Variants in CCDC63 observed in about 807,000 individuals in gnomAD.
The protein encoded by CCDC63 is coiled-coil domain containing 63.
Under a neutral mutation model 63.6 loss-of-function variants are expected in CCDC63, and 54 were observed. That is an observed-to-expected ratio of 0.85 (90% confidence interval 0.68 to 1.07). The LOEUF is 1.07. CCDC63 is among the 50% of genes least tolerant of loss of function. The probability of loss-of-function intolerance (pLI) is 0.00; values close to 1 mark genes in which losing one functional copy is unlikely to be tolerated. For synonymous variants in CCDC63, 253 were observed against 266.1 expected (o/e 0.95, Z 0.48); for missense variants, 637 against 689.6 (o/e 0.92, Z 0.86).
chr12:110,868,460 G>A (rs904399007), intron 4 of CCDC63, among the ~76,000 whole-genome samples: 3 of 150,584 alleles, frequency 2.0e-5, no homozygotes, highest in South Asian at 2.1e-4. Context: ...CTGAGTGAAC[G>A]AGACTCCGTC....
chr12:110,898,857 C>A, intron 9 of CCDC63, 76 bp from the exon 10 acceptor site: 2 of 1,248,802 alleles, frequency 1.6e-6, no homozygotes, highest in Non-Finnish European at 2.2e-6. Context: ...TTTGGAGACC[C>A]TGACCCCAGA....
intron 10 of CCDC63, among the ~76,000 whole-genome samples, chr12:110,902,427 T>C (rs1017424512): frequency 1.3e-5 from 2 of 152,182 alleles, no homozygotes; most frequent in Non-Finnish European, 2.9e-5. Flanking sequence ...CCCCTGCATC[T>C]TGTTCCTACC....
At position 110,881,470 on chromosome 12, in the gene CCDC63, A is replaced by T. The variant is rs1009158481; in HGVS notation, c.853+174A>T. Among the ~76,000 whole-genome samples the T allele has an allele frequency of 2.0e-5, 3 of 152,254 alleles. No individual in the cohort carries two copies. The East Asian group carries it at 5.8e-4, about 29-fold the overall frequency. On this transcript the variant is annotated intron_variant, in intron 7 of 11. Coordinates refer to ENST00000308208, the MANE Select transcript of CCDC63 (RefSeq NM_152591.3). ...CATGGTGGCTCACGCCTGTAATCCC[A>T]GCACTTTGGGAGGCCAAGGCAGGCT... is the stretch of plus-strand genomic sequence containing the variant.
At chr12:110,872,455 G>A (rs1356141374) in intron 4 of CCDC63, among the ~76,000 whole-genome samples, 1 of 152,052 alleles carries the variant, frequency 6.6e-6, no homozygotes, top group Non-Finnish European at 1.5e-5. Flanking sequence ...ACATGATTCA[G>A]GCTGTGCTGG....
chr12:110,853,596 G>C, intron 3 of CCDC63, 22 bp downstream of exon 3: 2 of 1,613,806 alleles, frequency 1.2e-6, no homozygotes, highest in Non-Finnish European at 1.7e-6. Flanking sequence ...TTGGAGTTTC[G>C]CACTGAGTGA....
In CCDC63 at chr12:110,880,008, C is replaced by T. The variant is rs746414064; in HGVS notation, c.592C>T (p.Gln198Ter). The T allele has an allele frequency of 2.9e-5, 47 of 1,614,202 alleles. No homozygotes were observed. The highest frequency in any genetic ancestry group is 3.6e-5 in the Non-Finnish European group (43 of 1,180,026). Residue 198 changes from glutamine (Q) to a stop codon, truncating the protein, a stop_gained, in exon 6 of 12, where the codon CAG (glutamine) becomes TAG (stop). Transcript: ENST00000308208. LOFTEE classifies it high-confidence loss of function. Reference sequence around the variant, plus strand: ...GGCTGCTTATGACAATGTCTACCAGCAGCTCCAGCACTGCCTGTTGATGGA... The same window carrying T: ...GGCTGCTTATGACAATGTCTACCAGTAGCTCCAGCACTGCCTGTTGATGGA... The part of the protein sequence containing the change: ...EKAAYDNVYQ[Q>*]LQHCLLMEKK...
intron 4 of CCDC63, among the ~76,000 whole-genome samples, chr12:110,871,291 G>A (rs554096405): frequency 7.0e-4 from 106 of 152,072 alleles, no homozygotes; most frequent in Non-Finnish European, 1.1e-3. Context: ...ACTGGCGCCC[G>A]CCACCACGCC....
chr12:110,889,047 T>G lies in CCDC63; in HGVS notation c.1075-4029T>G, dbSNP rs1276464876. On this transcript the variant is annotated intron_variant, in intron 8 of 11. Transcript: ENST00000308208. The surrounding 1 kb of genome is among the most constrained non-coding windows in gnomAD (Gnocchi z 4.1). ...CCACCACACCCAGCTAATTTTTGTA[T>G]TTTTTGCAGAGATGAGGTTTCAGTG... is the stretch of plus-strand genomic sequence containing the variant. Among the ~76,000 whole-genome samples the G allele has an allele frequency of 6.6e-6, 1 of 152,072 alleles. No individual in the cohort carries two copies. Among genetic ancestry groups the G allele is most frequent in the Non-Finnish European group, 1.5e-5 (1 of 68,012 alleles).
chr12:110,904,469 G>T (rs1350370911), intron 10 of CCDC63, 119 bp from the exon 11 acceptor site: 2 of 802,182 alleles, frequency 2.5e-6, no homozygotes, highest in Non-Finnish European at 4.2e-6. Flanking sequence ...TCAGAGCCCA[G>T]ATCCCGCACC....
intron 4 of CCDC63, among the ~76,000 whole-genome samples, chr12:110,859,124 G>A (rs912694371): frequency 1.3e-5 from 2 of 152,092 alleles, no homozygotes; most frequent in Non-Finnish European, 2.9e-5. Flanking sequence ...AAACTTTAAG[G>A]TTTCTTCCTT....
chr12:110,853,015 T>A, intron 2 of CCDC63, 52 bp downstream of exon 2: 1 of 1,581,950 alleles, frequency 6.3e-7, no homozygotes, highest in Non-Finnish European at 8.7e-7. Flanking sequence ...GGTCAGGCAC[T>A]GTGCCATCCA....
intron 10 of CCDC63, among the ~76,000 whole-genome samples, chr12:110,900,576 G>C (rs375283385): frequency 2.0e-4 from 31 of 151,506 alleles, no homozygotes; most frequent in Non-Finnish European, 3.8e-4. Flanking sequence ...GGCTTCCACT[G>C]CTCCTTGAAT....
chr12:110,884,289 T>G, intron 8 of CCDC63, 39 bp downstream of exon 8: 4 of 1,546,646 alleles, frequency 2.6e-6, no homozygotes, highest in Non-Finnish European at 3.6e-6. Flanking sequence ...TGGGCCCCTG[T>G]GTCCACAGCA....
intron 10 of CCDC63, 95 bp downstream of exon 10, chr12:110,899,220 T>C (rs2136741281): frequency 8.5e-7 from 1 of 1,177,012 alleles, no homozygotes; most frequent in South Asian, 1.7e-5. Flanking sequence ...GTAGTGAGCT[T>C]TGTGGCAAAG....
intron 3 of CCDC63, among the ~76,000 whole-genome samples, chr12:110,856,930 C>T (rs941862488): frequency 6.6e-6 from 1 of 150,562 alleles, no homozygotes; most frequent in Non-Finnish European, 1.5e-5. Flanking sequence ...CTCACTGCAA[C>T]CTCTGCCACC....
chr12:110,886,208 G>A (rs1446757702), intron 8 of CCDC63, among the ~76,000 whole-genome samples: 1 of 152,130 alleles, frequency 6.6e-6, no homozygotes, highest in African/African-American at 2.4e-5. Context: ...GCAACATAGT[G>A]AAACCCTGTC....
In CCDC63 at chr12:110,907,007, CA is replaced by C. The variant is rs1183848400; in HGVS notation, c.1547-322del. Among the ~76,000 whole-genome samples the C allele has an allele frequency of 1.3e-5, 2 of 152,318 alleles. No individual in the cohort carries two copies. Among genetic ancestry groups the C allele is most frequent in the East Asian group, 3.9e-4 (2 of 5,192 alleles). ...CCCCTTCTGGGTAGCTATGGCTCAG[CA>C]ATCAAGTGGGGGCTGGATTTCAGCC... On this transcript the variant is annotated intron_variant, in intron 11 of 11. Transcript: ENST00000308208. This position sits in a 1 kb window ranked among gnomAD's most constrained non-coding sequence, Gnocchi z 4.4.
At chr12:110,853,677 C>T in intron 3 of CCDC63, 103 bp downstream of exon 3, 1 of 1,270,170 alleles carries the variant, frequency 7.9e-7, no homozygotes, top group Non-Finnish European at 1.1e-6. Flanking sequence ...GGCAGGGAGC[C>T]ACCTCTGAGC....
At chr12:110,887,791 G>A (rs956751282) in intron 8 of CCDC63, among the ~76,000 whole-genome samples, 1 of 151,950 alleles carries the variant, frequency 6.6e-6, no homozygotes, top group Admixed American at 6.6e-5. Context: ...TAGAGACGGG[G>A]TTTCACCATG....
Sources: allele counts gnomAD v4.1 joint callset (sites outside exome capture counted in the v4.1 genomes callset), GRCh38; gene constraint gnomAD v4.1.1; non-coding constraint Gnocchi (gnomAD v3.1); transcripts MANE v1.5; gene names NCBI Gene and HGNC (gene_info 2026-07-23, HGNC 2026-07-21).